Variants in HMGB1 observed in about 807,000 individuals in gnomAD.
HMGB1 encodes high mobility group protein B1.
For missense variants in HMGB1, 79 were observed against 253.5 expected (o/e 0.31, Z 4.67); for synonymous variants, 81 against 84.0 (o/e 0.96, Z 0.19).
intron 1 of HMGB1, among the ~76,000 whole-genome samples, chr13:30,501,550 T>C (rs764701936): frequency 7.0e-6 from 1 of 142,364 alleles, no homozygotes; most frequent in South Asian, 2.4e-4. Flanking sequence ...TATATTATTT[T>C]ATATATTTAT....
Position 30,462,750 on chromosome 13 carries a change from G to T in HMGB1, c.297-38C>A. Reference sequence around the variant, plus strand: ...TTAATTTTAGGATTTTAAGTTAACAGATCACAAAAACAAATACTATCAAGT... The same window carrying T: ...TTAATTTTAGGATTTTAAGTTAACATATCACAAAAACAAATACTATCAAGT... On this transcript the variant is annotated intron_variant, in intron 3 of 4. Transcript: ENST00000341423. The T allele has an allele frequency of 1.9e-6, 3 of 1,552,460 alleles. 1 individual carries two copies. Among genetic ancestry groups the T allele is most frequent in the Non-Finnish European group, 8.9e-7 (1 of 1,128,580 alleles).
At position 30,464,039 on chromosome 13, in the gene HMGB1, C is replaced by T. The variant is rs1273291533; in HGVS notation, c.-14-345G>A. ...TAAAATCTAGAACACCATTTTAAAC[C>T]AACCAAACCAAAGGTCAGAAAACAT... On this transcript the variant is annotated intron_variant, in intron 1 of 4. Coordinates refer to ENST00000341423, the MANE Select transcript of HMGB1 (RefSeq NM_002128.7). The T allele has an allele frequency of 3.2e-6, 3 of 923,884 alleles. No individual in the cohort carries two copies. The East Asian group carries it at 3.4e-4, about 104-fold the overall frequency. 57.2% of individuals were successfully genotyped at this position (923,884 alleles called of 1,614,324 possible). A position where few individuals can be genotyped will look rare whatever the true frequency, so the allele number is the denominator to read the frequency against.
chr13:30,606,527 CCT>C (rs2137569972), intron 1 of HMGB1, among the ~76,000 whole-genome samples: 1 of 152,168 alleles, frequency 6.6e-6, no homozygotes, highest in African/African-American at 2.4e-5. Context: ...AAATTTCTTC[CCT>C]GATTAGCAAA....
At chr13:30,546,998 T>A (rs1052287817) in intron 1 of HMGB1, among the ~76,000 whole-genome samples, 1 of 152,180 alleles carries the variant, frequency 6.6e-6, no homozygotes, top group Non-Finnish European at 1.5e-5. Flanking sequence ...TTTATCCCTA[T>A]CCTACTCCTT....
At chr13:30,598,576 C>T (rs1871718042) in intron 1 of HMGB1, among the ~76,000 whole-genome samples, 1 of 152,174 alleles carries the variant, frequency 6.6e-6, no homozygotes, top group African/African-American at 2.4e-5. Context: ...ATAACTAAAG[C>T]TTGCTAGACA....
At position 30,505,467 on chromosome 13, in the gene HMGB1, C is replaced by G. The variant is rs533396547; in HGVS notation, c.-14-41773G>C. Among the ~76,000 whole-genome samples the G allele has an allele frequency of 3.9e-5, 6 of 152,102 alleles. No homozygotes were observed. The East Asian group carries it at 9.7e-4, about 25-fold the overall frequency. On this transcript the variant is annotated intron_variant, in intron 1 of 4. Transcript: ENST00000405805. ...TGCTGGGATTACAGGTGTAAGCCAC[C>G]GCGCCCAACCATTTTTATATTTTTA...
chr13:30,515,571 T>G (rs937068162), intron 1 of HMGB1, among the ~76,000 whole-genome samples: 7 of 152,114 alleles, frequency 4.6e-5, no homozygotes, highest in Non-Finnish European at 1.0e-4. Context: ...TTATCGCCAG[T>G]AAGGTCATAA....
chr13:30,481,708 G>A (rs17074645), intron 1 of HMGB1, among the ~76,000 whole-genome samples: 6 of 152,156 alleles, frequency 3.9e-5, no homozygotes, highest in Non-Finnish European at 5.9e-5. Flanking sequence ...CTCTTGAAGC[G>A]TGCCTCTGTC....
intron 1 of HMGB1, among the ~76,000 whole-genome samples, chr13:30,481,658 G>C (rs577620675): frequency 2.6e-5 from 4 of 152,288 alleles, no homozygotes; most frequent in Admixed American, 6.5e-5. Flanking sequence ...CAACACATCT[G>C]CCATCATGAT....
chr13:30,512,143 G>T (rs563910976), intron 1 of HMGB1, among the ~76,000 whole-genome samples: 2 of 148,340 alleles, frequency 1.3e-5, no homozygotes, highest in African/African-American at 5.1e-5. Flanking sequence ...GTGAGAGCTT[G>T]TCTCTTAAAA....
At chr13:30,614,844 G>A (rs1442896528) in intron 1 of HMGB1, among the ~76,000 whole-genome samples, 1 of 151,232 alleles carries the variant, frequency 6.6e-6, no homozygotes, top group Non-Finnish European at 1.5e-5. Context: ...GTTTACAGGC[G>A]CCTCCCACCG....
intron 1 of HMGB1, among the ~76,000 whole-genome samples, chr13:30,547,655 T>A (rs1035104535): frequency 2.0e-5 from 3 of 151,870 alleles, no homozygotes; most frequent in Non-Finnish European, 4.4e-5. Flanking sequence ...AAGATATGGC[T>A]AGGCACAGTG....
intron 1 of HMGB1, among the ~76,000 whole-genome samples, chr13:30,505,389 AG>A (rs1379214339): frequency 2.0e-5 from 3 of 151,662 alleles, no homozygotes; most frequent in Non-Finnish European, 4.4e-5. Context: ...CGTGTTAGCC[AG>A]GATGGTCTCC....
chr13:30,529,590 C>T (rs1166680504), intron 1 of HMGB1, among the ~76,000 whole-genome samples: 1 of 152,146 alleles, frequency 6.6e-6, no homozygotes, highest in African/African-American at 2.4e-5. Context: ...GGGTGATGAA[C>T]GCAAACTTGA....
At position 30,460,648 on chromosome 13, in the gene HMGB1, G is replaced by T. The variant is rs906473560; in HGVS notation, c.*709C>A. 2 of 152,570 alleles carry T rather than the reference G, an allele frequency of 1.3e-5. No homozygotes were observed. Among genetic ancestry groups the T allele is most frequent in the Non-Finnish European group, 2.9e-5 (2 of 68,012 alleles). 9.5% of individuals were successfully genotyped at this position (152,570 alleles called of 1,614,324 possible). The stretch of plus-strand genomic sequence containing the variant: ...ATTGATTACTCTTCAGTTTGTAAAT[G>T]TAAGTGGGCTATGTGAAATTTCTTA... On this transcript the variant is annotated 3_prime_UTR_variant, in exon 5 of 5. Transcript: ENST00000341423.
chr13:30,617,141 G>A (rs1258558516), exon 1 of HMGB1: 12 of 152,300 alleles, frequency 7.9e-5, no homozygotes, highest in Admixed American at 7.9e-4. Flanking sequence ...TAGAGCAGCA[G>A]GGACAGATCG....
chr13:30,537,677 A>C (rs981605074), intron 1 of HMGB1, among the ~76,000 whole-genome samples: 3 of 134,358 alleles, frequency 2.2e-5, no homozygotes, highest in African/African-American at 5.4e-5. Flanking sequence ...ATATATATAT[A>C]TATATATATA....
intron 1 of HMGB1, among the ~76,000 whole-genome samples, chr13:30,509,189 C>A (rs1746555600): frequency 6.6e-6 from 1 of 151,970 alleles, no homozygotes; most frequent in Non-Finnish European, 1.5e-5. Flanking sequence ...CCTTCCTCCT[C>A]GGCCTCTCAA....
In HMGB1 at chr13:30,508,314, C is replaced by G. The variant is rs1887914538; in HGVS notation, c.-14-44620G>C. Among the ~76,000 whole-genome samples, 10 of 152,018 alleles carry G rather than the reference C, an allele frequency of 6.6e-5. No homozygotes were observed. In the South Asian group the frequency reaches 2.1e-3, roughly 32 times the overall value. On this transcript the variant is annotated intron_variant, in intron 1 of 4. Transcript: ENST00000405805. Reference sequence around the variant, plus strand: ...ATCCGCTGAGGCCAGGAGTTCAAGACCAGCCTGGCCAACATGGTGAAACCC... The same window carrying G: ...ATCCGCTGAGGCCAGGAGTTCAAGAGCAGCCTGGCCAACATGGTGAAACCC...
Sources: gnomAD v4.1 joint callset for allele counts (sites outside exome capture counted in the v4.1 genomes callset) on GRCh38, gnomAD v4.1.1 for gene constraint, MANE v1.5 for transcripts, NCBI Gene and HGNC (gene_info 2026-07-23, HGNC 2026-07-21) for gene names.